Variants in PRKCA observed in about 807,000 individuals in gnomAD.
PRKCA encodes protein kinase C alpha type.
Under a neutral mutation model 87.0 loss-of-function variants are expected in PRKCA, and 27 were observed. The ratio of observed to expected loss-of-function variants is 0.31; its 90% CI spans 0.23 to 0.43. The LOEUF is 0.43. Among genes scored for constraint, PRKCA ranks in the 20% least tolerant of loss-of-function variants. PRKCA has a pLI of 1.00. For missense variants in PRKCA, 518 were observed against 852.3 expected (o/e 0.61, Z 4.88); for synonymous variants, 329 against 311.1 (o/e 1.06, Z -0.61).
At chr17:66,605,484 T>C (rs1451935451) in intron 3 of PRKCA, among the ~76,000 whole-genome samples, 3 of 152,186 alleles carry the variant, frequency 2.0e-5, no homozygotes, top group Non-Finnish European at 4.4e-5. Flanking sequence ...GTGGAAAAAT[T>C]GAAAACCTTG....
At chr17:66,625,089 T>C (rs1970813800) in intron 3 of PRKCA, among the ~76,000 whole-genome samples, 1 of 152,236 alleles carries the variant, frequency 6.6e-6, no homozygotes, top group South Asian at 2.1e-4. Context: ...CATGGTGTTT[T>C]ATATCACGAA....
chr17:66,317,074 G>A (rs547423275), intron 2 of PRKCA, among the ~76,000 whole-genome samples: 18 of 152,054 alleles, frequency 1.2e-4, no homozygotes, highest in Middle Eastern at 3.4e-3. Flanking sequence ...CCCGGAAAGC[G>A]GAGCTTGTAG....
At chr17:66,660,863 C>T (rs559641310) in intron 5 of PRKCA, among the ~76,000 whole-genome samples, 2 of 152,060 alleles carry the variant, frequency 1.3e-5, no homozygotes, top group South Asian at 2.1e-4. Flanking sequence ...GAGCCGAGAT[C>T]GCACCACTGC....
intron 3 of PRKCA, among the ~76,000 whole-genome samples, chr17:66,593,850 G>T (rs913509628): frequency 2.0e-5 from 3 of 152,142 alleles, no homozygotes; most frequent in Non-Finnish European, 2.9e-5. Context: ...TTGGGAGGCC[G>T]AGGCAGATGG....
At chr17:66,332,522 C>T (rs1906395576) in intron 2 of PRKCA, among the ~76,000 whole-genome samples, 2 of 151,940 alleles carry the variant, frequency 1.3e-5, no homozygotes, top group South Asian at 4.2e-4. Flanking sequence ...GCCATTGCAC[C>T]TGACTGAAAG....
In PRKCA at chr17:66,808,253, C is replaced by T. The variant is rs1368649820; in HGVS notation, c.*4216C>T. The T allele has an allele frequency of 6.6e-6, 1 of 151,628 alleles. No individual in the cohort carries two copies. Among genetic ancestry groups the T allele is most frequent in the Non-Finnish European group, 1.5e-5 (1 of 68,020 alleles). The allele number at this position is 151,628 out of a possible 1,614,324, so 9.4% of individuals were successfully genotyped here. On this transcript the variant is annotated 3_prime_UTR_variant, in exon 17 of 17. Transcript: ENST00000413366. ...CTAACACCGCACAACTAACAACTAACACCGCAGTTCCCACCTGGGTTCCAC... is the reference window on the plus strand; with the variant it reads ...CTAACACCGCACAACTAACAACTAATACCGCAGTTCCCACCTGGGTTCCAC...
intron 2 of PRKCA, among the ~76,000 whole-genome samples, chr17:66,392,577 A>T (rs1169067619): frequency 1.3e-5 from 2 of 152,028 alleles, no homozygotes; most frequent in African/African-American, 4.8e-5. Flanking sequence ...AAGTGCCTTT[A>T]ATTTTGCTTG....
At chr17:66,444,525 G>T (rs1913934241) in intron 2 of PRKCA, among the ~76,000 whole-genome samples, 1 of 152,134 alleles carries the variant, frequency 6.6e-6, no homozygotes, top group Non-Finnish European at 1.5e-5. Flanking sequence ...GAGGGCTCAG[G>T]ACTCAGAGCC....
intron 14 of PRKCA, among the ~76,000 whole-genome samples, chr17:66,785,869 C>A (rs1189877899): frequency 2.6e-5 from 4 of 152,222 alleles, no homozygotes; most frequent in African/African-American, 7.2e-5. Context: ...CGCTCTGTCA[C>A]CCAGGCTGGA....
intron 2 of PRKCA, among the ~76,000 whole-genome samples, chr17:66,394,264 C>T (rs550653586): frequency 1.3e-5 from 2 of 152,168 alleles, no homozygotes; most frequent in African/African-American, 4.8e-5. Flanking sequence ...AGGCCAGGAT[C>T]GGAACTGGGT....
At chr17:66,583,542 T>A (rs1969506008) in intron 3 of PRKCA, among the ~76,000 whole-genome samples, 1 of 151,664 alleles carries the variant, frequency 6.6e-6, no homozygotes, top group Non-Finnish European at 1.5e-5. Flanking sequence ...TGCTCTCACA[T>A]ATCTTTGATG....
intron 2 of PRKCA, among the ~76,000 whole-genome samples, chr17:66,370,004 A>G (rs1225465923): frequency 2.0e-5 from 3 of 152,184 alleles, no homozygotes; most frequent in African/African-American, 7.2e-5. Context: ...AAACCAGGAC[A>G]CTTTTGAAAG....
rs113349602 is a variant in PRKCA at position 66,803,731 on chromosome 17, C to G, written c.1855-142C>G. 21 of 1,118,826 alleles carry G rather than the reference C, an allele frequency of 1.9e-5. No homozygotes were observed. The African/African-American group carries it at 3.1e-4, about 17-fold the overall frequency. The allele number at this position is 1,118,826 out of a possible 1,614,324, so 69.3% of individuals were successfully genotyped here. A position where few individuals can be genotyped will look rare whatever the true frequency, so the allele number is the denominator to read the frequency against. ...GTGCCTGGCTTTTCAATCCAATAGG[C>G]CTGCAAGTCCTCCGAGATTCCTCCT... On this transcript the variant is annotated intron_variant, in intron 16 of 16. Coordinates refer to ENST00000413366, the MANE Select transcript of PRKCA (RefSeq NM_002737.3). The surrounding 1 kb of genome is among the most constrained non-coding windows in gnomAD (Gnocchi z 4.4).
intron 3 of PRKCA, among the ~76,000 whole-genome samples, chr17:66,546,591 C>T (rs1225419024): frequency 6.6e-6 from 1 of 152,214 alleles, no homozygotes; most frequent in African/African-American, 2.4e-5. Context: ...CTGTGTGTGC[C>T]TGCCATTTCC....
intron 3 of PRKCA, among the ~76,000 whole-genome samples, chr17:66,548,792 G>A (rs1272360031): frequency 7.1e-6 from 1 of 140,376 alleles, no homozygotes; most frequent in Non-Finnish European, 1.5e-5. Context: ...AGCGCCTACC[G>A]AATACGTTTC....
rs986536849 is a variant in PRKCA, at chr17:66,360,224, GAA to G, written c.205+54098_205+54099del. Among the ~76,000 whole-genome samples, 79 of 152,306 alleles carry G rather than the reference GAA, an allele frequency of 5.2e-4. 1 individual carries two copies. Among genetic ancestry groups the G allele is most frequent in the African/African-American group, 1.7e-3 (72 of 41,574 alleles). On this transcript the variant is annotated intron_variant, in intron 2 of 16. Transcript: ENST00000413366. ...GTTGGAGGGAAGGGCTTCCACAGCTGAAGAGTTTGGCTAAACCATGGGACCCT... is the reference window on the plus strand; with the variant it reads ...GTTGGAGGGAAGGGCTTCCACAGCTGGAGTTTGGCTAAACCATGGGACCCT...
chr17:66,458,538 TG>T (rs1216810722), intron 2 of PRKCA, among the ~76,000 whole-genome samples: 1 of 151,914 alleles, frequency 6.6e-6, no homozygotes, highest in African/African-American at 2.4e-5. Flanking sequence ...TGGAGTGTAG[TG>T]GTGCACTCTC....
chr17:66,751,921 G>A (rs1974438307), intron 13 of PRKCA, among the ~76,000 whole-genome samples: 1 of 152,340 alleles, frequency 6.6e-6, no homozygotes, highest in Non-Finnish European at 1.5e-5. Context: ...TGAGAACTCT[G>A]CCACGAGAAT....
At chr17:66,489,350 T>A (rs1916116100) in intron 2 of PRKCA, among the ~76,000 whole-genome samples, 1 of 109,618 alleles carries the variant, frequency 9.1e-6, no homozygotes. Flanking sequence ...CCCTTAGCAG[T>A]GCATATATAT....
Sources: allele counts gnomAD v4.1 joint callset (sites outside exome capture counted in the v4.1 genomes callset), GRCh38; gene constraint gnomAD v4.1.1; non-coding constraint Gnocchi (gnomAD v3.1); transcripts MANE v1.5; gene names NCBI Gene and HGNC (gene_info 2026-07-23, HGNC 2026-07-21).